The following UMOD variants were observed in gnomAD, a reference collection of about 807,000 sequenced individuals.
UMOD encodes Tamm-Horsfall urinary glycoprotein.
In UMOD, 64 loss-of-function variants were observed where a neutral mutation model predicts 66.0. The observed-to-expected ratio is 0.97, with a 90% CI of 0.79 to 1.19. The LOEUF (loss-of-function observed/expected upper bound fraction) is 1.19. Ranked by LOEUF, UMOD falls within the 50% of genes most tolerant of loss-of-function variation. The probability of loss-of-function intolerance (pLI) is 0.00; values close to 1 mark genes in which losing one functional copy is unlikely to be tolerated. For missense variants in UMOD, 764 were observed against 850.9 expected (o/e 0.90, Z 1.27); for synonymous variants, 398 against 352.7 (o/e 1.13, Z -1.44).
At chr16:20,339,345 A>T (rs1283784885) in intron 7 of UMOD, among the ~76,000 whole-genome samples, 1 of 152,138 alleles carries the variant, frequency 6.6e-6, no homozygotes, top group African/African-American at 2.4e-5. Flanking sequence ...TTTTCTTTAA[A>T]TCCACTTGTA....
At chr16:20,349,369 T>G (rs902623568) in intron 2 of UMOD, among the ~76,000 whole-genome samples, 157 bp from the exon 3 acceptor site, 3 of 152,240 alleles carry the variant, frequency 2.0e-5, no homozygotes, top group African/African-American at 2.4e-5. Context: ...ACAAAACTCC[T>G]CTGATGATGT....
Position 20,346,301 on chromosome 16 carries a change from C to A in UMOD, c.1007G>T (p.Gly336Val). 6.2e-7 allele frequency: 1 copy of A among 1,614,264 alleles called. No individual in the cohort carries two copies. Among genetic ancestry groups the A allele is most frequent in the South Asian group, 1.1e-5 (1 of 91,092 alleles). The stretch of plus-strand genomic sequence containing the variant: ...CAGCGACACCTTCATGTCATTGGCC[C>A]CACATTCCAGCCTGTGCTCCAGGAG... Reference protein sequence around the residue: ...ISLLEHRLECGANDMKVSLGK... With the variant: ...ISLLEHRLECVANDMKVSLGK... Residue 336 changes from glycine to valine, a missense_variant, in exon 5 of 11, where the codon GGG (glycine) becomes GTG (valine). Coordinates refer to ENST00000396138, the MANE Select transcript of UMOD (RefSeq NM_003361.4).
At chr16:20,345,446 C>T (rs1253507611) in intron 5 of UMOD, among the ~76,000 whole-genome samples, 2 of 65,842 alleles carry the variant, frequency 3.0e-5, no homozygotes, top group Non-Finnish European at 6.2e-5. Flanking sequence ...TTCTTTCTTC[C>T]TTTCTTCCTT....
Position 20,341,152 on chromosome 16 carries a change from AGTT to A in UMOD, c.1513_1515del (p.Asn505del). The A allele has an allele frequency of 6.2e-7, 1 of 1,614,080 alleles. No individual in the cohort carries two copies. The highest frequency in any genetic ancestry group is 8.5e-7 in the Non-Finnish European group (1 of 1,180,022). Reference sequence around the variant, plus strand: ...GCATTGCTACTGGGTGTGGCATAGCAGTTGGTCATGAGCAGTGCAAATCGGGAC... The same window carrying A: ...GCATTGCTACTGGGTGTGGCATAGCAGGTCATGAGCAGTGCAAATCGGGAC... On this transcript the variant is annotated inframe_deletion, in exon 7 of 11. Transcript: ENST00000396138.
chr16:20,333,207 A>G lies in UMOD; in HGVS notation c.*107T>C. Reference sequence around the variant, plus strand: ...AGGGAGAAAAGAAGGCAGGCTGAACAAAGCATGAACTTTCTTTTCTGTGGC... The same window carrying G: ...AGGGAGAAAAGAAGGCAGGCTGAACGAAGCATGAACTTTCTTTTCTGTGGC... On this transcript the variant is annotated 3_prime_UTR_variant, in exon 11 of 11. Transcript: ENST00000396138. 8.4e-7 allele frequency: 1 copy of G among 1,187,162 alleles called. No individual in the cohort carries two copies. The highest frequency in any genetic ancestry group is 1.9e-5 in the Admixed American group (1 of 51,538). The allele number at this position is 1,187,162 out of a possible 1,614,324, so 73.5% of individuals were successfully genotyped here. A position where few individuals can be genotyped will look rare whatever the true frequency, so the allele number is the denominator to read the frequency against.
At chr16:20,350,412 T>G (rs746274381) in intron 2 of UMOD, among the ~76,000 whole-genome samples, 11 of 152,170 alleles carry the variant, frequency 7.2e-5, no homozygotes, top group Non-Finnish European at 1.5e-4. Context: ...TGTTAAAAAT[T>G]CAGCATCTCA....
chr16:20,353,758 A>G (rs528948236), upstream of UMOD, among the ~76,000 whole-genome samples: 1 of 138,142 alleles, frequency 7.2e-6, no homozygotes, highest in Non-Finnish European at 1.6e-5. Context: ...CACTGCATTG[A>G]TCTTTTTTTT....
Position 20,341,183 on chromosome 16 carries a change from G to T in UMOD, c.1485C>A (p.Asp495Glu). ...TCATGAGCAGTGCAAATCGGGACAG[G>T]TCGCCCCCATCCAACATGGTGCCCA... is the stretch of plus-strand genomic sequence containing the variant. ...LYVGTMLDGGDLSRFALLMTN... is the reference protein window; with the variant it reads ...LYVGTMLDGGELSRFALLMTN... The change falls in exon 7 of 11, where the codon GAC becomes GAA. Residue 495 changes from aspartate to glutamate, a missense_variant. Transcript: ENST00000396138. 1 of 1,614,064 alleles carries T rather than the reference G, an allele frequency of 6.2e-7. No individual in the cohort carries two copies. Among genetic ancestry groups the T allele is most frequent in the Non-Finnish European group, 8.5e-7 (1 of 1,180,006 alleles).
At chr16:20,333,895 G>A (rs1314374428) in intron 10 of UMOD, among the ~76,000 whole-genome samples, 1 of 152,086 alleles carries the variant, frequency 6.6e-6, no homozygotes, top group Admixed American at 6.6e-5. Context: ...TTAGCCGGGC[G>A]TGGTGGTGCA....
intron 10 of UMOD, 115 bp downstream of exon 10, chr16:20,335,367 C>T (rs565124239): frequency 5.2e-5 from 56 of 1,066,864 alleles, no homozygotes; most frequent in African/African-American, 1.6e-4. Flanking sequence ...ATTTAGAAAA[C>T]GGAACTAGTA....
Position 20,346,163 on chromosome 16 carries a change from G to T in UMOD, c.1145C>A (p.Thr382Asn), listed in dbSNP as rs1220087754. The T allele has an allele frequency of 2.5e-6, 4 of 1,614,050 alleles. No individual in the cohort carries two copies. Among genetic ancestry groups the T allele is most frequent in the Non-Finnish European group, 2.5e-6 (3 of 1,180,046 alleles). ...RDNRDWVSVV[T>N]PARDGPCGTV... The stretch of plus-strand genomic sequence containing the variant: ...CCCACAGGGGCCATCCCGGGCTGGG[G>T]TCACTACAGACACCCAGTCCCGGTT... Residue 382 changes from threonine to asparagine, a missense_variant, in exon 5 of 11, where the codon ACC becomes AAC. Physicochemically the swap from Thr to Asn is moderately conservative, Grantham distance 65 (BLOSUM62 0). Transcript: ENST00000396138.
intron 5 of UMOD, among the ~76,000 whole-genome samples, chr16:20,345,492 C>T (rs1254457202): frequency 1.6e-5 from 1 of 61,368 alleles, no homozygotes; most frequent in African/African-American, 7.2e-5. Context: ...CCCTCCCTCC[C>T]TCCCTCCCTC....
At position 20,348,812 on chromosome 16, in the gene UMOD, G is replaced by A. The variant is rs558205185; in HGVS notation, c.489C>T (p.Pro163=). 1 of 1,545,586 alleles carries A rather than the reference G, an allele frequency of 6.5e-7. No individual in the cohort carries two copies. ...GSCGPGLDCV[P]EGDALVCADP... ...CCGCGCACACGAGCGCGTCGCCCTC[G>A]GGCACGCAGTCCAACCCCGGCCCGC... The change falls in exon 3 of 11, where the codon CCC becomes CCT. Residue 163 remains proline (P), a synonymous_variant. Transcript: ENST00000396138.
chr16:20,345,421 T>TTTCTTTCTTTCC (rs1965498677), intron 5 of UMOD, among the ~76,000 whole-genome samples: 1 of 73,830 alleles, frequency 1.4e-5, no homozygotes, highest in Admixed American at 1.2e-4. Context: ...TCTTTCTTTC[T>TTTCTTTCTTTCC]TTCTTTCTCT....
chr16:20,350,627 ACG>A, intron 2 of UMOD, 21 bp downstream of exon 2: 3 of 1,613,862 alleles, frequency 1.9e-6, no homozygotes, highest in Non-Finnish European at 2.5e-6. Context: ...CACATATACA[ACG>A]CACACACACT....
intron 7 of UMOD, 98 bp downstream of exon 7, chr16:20,340,991 CAA>C (rs560216745): frequency 0.046 from 44,386 of 966,012 alleles, no homozygotes; most frequent in East Asian, 0.054. Flanking sequence ...AAGACTCTGT[CAA>C]AAAAAAAAAA....
intron 2 of UMOD, chr16:20,349,747 C>G: frequency 6.5e-7 from 1 of 1,540,662 alleles, no homozygotes; most frequent in South Asian, 1.2e-5. Flanking sequence ...CCCTCCCTTT[C>G]TTTGCACATT....
rs113452476 is a variant in UMOD, at chr16:20,337,273, G to A, written c.1740+18C>T. 1,103 of 1,614,042 alleles carry A rather than the reference G, an allele frequency of 6.8e-4. 4 individuals are homozygous for A. The African/African-American group carries it at 0.013, about 18-fold the overall frequency. ...CTTTGGTTACAAGAGATGGGCTGGG[G>A]GAGGGGAGTCAACTCACAGGCTTGC... On this transcript the variant is annotated intron_variant, in intron 8 of 10. Coordinates refer to ENST00000396138, the MANE Select transcript of UMOD (RefSeq NM_003361.4).
intron 7 of UMOD, among the ~76,000 whole-genome samples, chr16:20,339,562 C>G (rs1316077188): frequency 6.6e-6 from 1 of 152,192 alleles, no homozygotes; most frequent in Non-Finnish European, 1.5e-5. Flanking sequence ...AAGGGAGATT[C>G]CAAAGACGTG....
Sources: gnomAD v4.1 joint callset for allele counts (sites outside exome capture counted in the v4.1 genomes callset) on GRCh38, gnomAD v4.1.1 for gene constraint, MANE v1.5 for transcripts, NCBI Gene and HGNC (gene_info 2026-07-23, HGNC 2026-07-21) for gene names.